POTEC: variants seen among roughly 807,000 people sequenced by gnomAD.
POTEC encodes ANKRD26-like family B member 2.
In POTEC, 35 loss-of-function variants were observed where a neutral mutation model predicts 62.0. The observed-to-expected ratio is 0.56, with a 90% confidence interval of 0.43 to 0.75. The LOEUF (loss-of-function observed/expected upper bound fraction) is 0.75, where lower values mean the gene tolerates loss of function less well. Ranked by LOEUF, POTEC falls within the 30% of genes least tolerant of loss-of-function variation. The pLI, the probability that POTEC is intolerant of heterozygous loss-of-function variation, is 0.00. For synonymous variants in POTEC, 156 were observed against 221.5 expected (o/e 0.70, Z 2.62); for missense variants, 472 against 655.9 (o/e 0.72, Z 3.06).
At chr18:14,524,573 C>T (rs1285553580) in intron 7 of POTEC, among the ~76,000 whole-genome samples, 3 of 151,880 alleles carry the variant, frequency 2.0e-5, no homozygotes, top group Admixed American at 2.0e-4. Flanking sequence ...ATGTTTTTGC[C>T]TCTATTCCAA....
chr18:14,523,351 G>A, intron 8 of POTEC, 112 bp downstream of exon 8: 2 of 1,236,462 alleles, frequency 1.6e-6, no homozygotes, highest in Non-Finnish European at 2.2e-6. Context: ...TTTCACTGGT[G>A]ATTTATGCTA....
At chr18:14,525,090 A>G in intron 6 of POTEC, 107 bp from the exon 7 acceptor site, 1 of 1,500,126 alleles carries the variant, frequency 6.7e-7, no homozygotes, top group Non-Finnish European at 9.0e-7. Flanking sequence ...TATTTCATAA[A>G]TTGAGTGTTT....
chr18:14,538,629 A>C (rs11873868), intron 1 of POTEC, among the ~76,000 whole-genome samples: 3,070 of 151,872 alleles, frequency 0.02, 96 homozygotes, highest in African/African-American at 0.069. Context: ...AAAATATAGA[A>C]TAGTTCCTAA....
chr18:14,540,941 A>G (rs1905910857), intron 1 of POTEC, among the ~76,000 whole-genome samples: 1 of 151,284 alleles, frequency 6.6e-6, no homozygotes, highest in Non-Finnish European at 1.5e-5. Flanking sequence ...CCCAGGCTGG[A>G]GTGTAGTGGT....
chr18:14,522,302 T>G lies in POTEC; in HGVS notation c.1361A>C (p.Lys454Thr). 6.3e-7 allele frequency: 1 copy of G among 1,596,914 alleles called. No homozygotes were observed. The highest frequency in any genetic ancestry group is 1.1e-5 in the South Asian group (1 of 87,652). ...DGLIPQRRSR[K>T]PENQQFPDTE... ...GTCAGGAAATTGCTGATTTTCAGGTTTTCTGCTCCTCCTTTGTGGAATTAA... is the reference window on the plus strand; with the variant it reads ...GTCAGGAAATTGCTGATTTTCAGGTGTTCTGCTCCTCCTTTGTGGAATTAA... The change falls in exon 9 of 11, where the codon AAA (lysine) becomes ACA (threonine). Residue 454 changes from lysine (K) to threonine (T), a missense_variant. Physicochemically the swap from Lys to Thr is moderately conservative, Grantham distance 78. This residue lies in a region of POTEC where 83 missense variants were observed against 254.3 expected (regional missense o/e 0.33). Transcript: ENST00000358970.
chr18:14,542,581 A>T (rs778844082), intron 1 of POTEC, 45 bp downstream of exon 1: 1 of 1,611,266 alleles, frequency 6.2e-7, no homozygotes, highest in Non-Finnish European at 8.5e-7. Flanking sequence ...GTATGTCCCC[A>T]TCATCCCCCC....
chr18:14,528,909 A>C, intron 6 of POTEC: 2 of 453,974 alleles, frequency 4.4e-6, no homozygotes, highest in Non-Finnish European at 8.8e-6. Context: ...GAAACCCTGC[A>C]AGGTTCACTC....
chr18:14,516,298 TTATATATATATATATATATATA>T (rs200611192), intron 9 of POTEC, among the ~76,000 whole-genome samples: 2 of 25,126 alleles, frequency 8.0e-5, no homozygotes, highest in Admixed American at 6.2e-4. Context: ...AAAGAAAATT[TTATATATATATATATATATATA>T]TATATATATA....
chr18:14,524,627 T>C (rs1368180501), intron 7 of POTEC, among the ~76,000 whole-genome samples: 1 of 151,988 alleles, frequency 6.6e-6, no homozygotes, highest in Non-Finnish European at 1.5e-5. Context: ...CAGATAAGAA[T>C]ATTTTAAATA....
chr18:14,514,901 T>C (rs1056530419), intron 9 of POTEC, among the ~76,000 whole-genome samples: 3 of 152,158 alleles, frequency 2.0e-5, no homozygotes, highest in Non-Finnish European at 2.9e-5. Context: ...AGTACCACTA[T>C]ACACCAACTA....
rs376309031 is a variant in POTEC, at chr18:14,512,411, A to C, written c.1534-418T>G. Among the ~76,000 whole-genome samples the C allele has an allele frequency of 1.7e-4, 26 of 152,344 alleles. 1 individual carries two copies. The East Asian group carries it at 5.0e-3, about 29-fold the overall frequency. On this transcript the variant is annotated intron_variant, in intron 10 of 10. Transcript: ENST00000358970. Reference sequence around the variant, plus strand: ...AGAAGCAATTCCTCAAAGTTCTTTAAGTTCCTTTTTCTGAGGAATGTTTTA... The same window carrying C: ...AGAAGCAATTCCTCAAAGTTCTTTACGTTCCTTTTTCTGAGGAATGTTTTA...
chr18:14,507,965 G>A lies in POTEC; in HGVS notation c.*3933C>T, dbSNP rs1482694049. The A allele has an allele frequency of 6.6e-6, 1 of 152,196 alleles. No individual in the cohort carries two copies. The highest frequency in any genetic ancestry group is 1.5e-5 in the Non-Finnish European group (1 of 68,042). 9.4% of individuals were successfully genotyped at this position (152,196 alleles called of 1,614,324 possible). ...GTCTGATGGAATTCCCTTTGCAGGT[G>A]ATGTTGCCTTTCTCCCTAGCTGCCT... On this transcript the variant is annotated 3_prime_UTR_variant, in exon 11 of 11. Coordinates refer to ENST00000358970, the MANE Select transcript of POTEC (RefSeq NM_001137671.2).
At chr18:14,532,382 C>T (rs1905555103) in intron 5 of POTEC, among the ~76,000 whole-genome samples, 1 of 152,010 alleles carries the variant, frequency 6.6e-6, no homozygotes, top group Non-Finnish European at 1.5e-5. Flanking sequence ...GGAACAATGG[C>T]TGAGCATATA....
intron 2 of POTEC, 26 bp from the exon 3 acceptor site, chr18:14,538,000 T>C: frequency 6.3e-7 from 1 of 1,598,344 alleles, no homozygotes; most frequent in South Asian, 1.1e-5. Context: ...CAAAAACAAA[T>C]TATTAAGTCC....
In POTEC at chr18:14,510,895, TG is replaced by T. The variant is rs1195135523; in HGVS notation, c.*1002del. 1 of 152,230 alleles carries T rather than the reference TG, an allele frequency of 6.6e-6. No homozygotes were observed. Among genetic ancestry groups the T allele is most frequent in the Admixed American group, 6.5e-5 (1 of 15,274 alleles). 9.4% of individuals were successfully genotyped at this position (152,230 alleles called of 1,614,324 possible). On this transcript the variant is annotated 3_prime_UTR_variant, in exon 11 of 11. Transcript: ENST00000358970. Reference sequence around the variant, plus strand: ...AAAGATGACAGTCTGGTCCTCCCCCTGGGAGCTCTGACTCAGGAGGCCTGAA... The same window carrying T: ...AAAGATGACAGTCTGGTCCTCCCCCTGGAGCTCTGACTCAGGAGGCCTGAA...
chr18:14,537,694 T>C lies in POTEC; in HGVS notation c.810+107A>G, dbSNP rs578052773. The stretch of plus-strand genomic sequence containing the variant: ...ATTAAGTCATTTCAAAATATTTTCA[T>C]TCAGGTTATGCTTGAGCTTCCAAAT... On this transcript the variant is annotated intron_variant, in intron 3 of 10. Coordinates refer to ENST00000358970, the MANE Select transcript of POTEC (RefSeq NM_001137671.2). 399 of 1,224,910 alleles carry C rather than the reference T, an allele frequency of 3.3e-4. 2 individuals carry two copies. In the East Asian group the frequency reaches 9.8e-3, roughly 30 times the overall value. 75.9% of individuals were successfully genotyped at this position (1,224,910 alleles called of 1,614,324 possible). A position where few individuals can be genotyped will look rare whatever the true frequency, so the allele number is the denominator to read the frequency against.
In POTEC at chr18:14,531,305, A is replaced by T. The variant is rs557659628; in HGVS notation, c.1056-752T>A. ...AAGGGCAGAAAAACCAATGGATGTT[A>T]AGACCTGGCTTGGAGCAATGATCCT... is the stretch of plus-strand genomic sequence containing the variant. On this transcript the variant is annotated intron_variant, in intron 5 of 10. Transcript: ENST00000358970. 7.2e-3 allele frequency among the ~76,000 whole-genome samples: 1,076 copies of T among 150,020 alleles called. 17 individuals carry two copies. Among genetic ancestry groups the T allele is most frequent in the African/African-American group, 0.025 (1,026 of 40,430 alleles).
At chr18:14,515,185 CAG>C (rs1254513264) in intron 9 of POTEC, among the ~76,000 whole-genome samples, 1 of 152,104 alleles carries the variant, frequency 6.6e-6, no homozygotes, top group East Asian at 1.9e-4. Flanking sequence ...TCATTCTTCA[CAG>C]AGTTATTTTA....
At chr18:14,541,605 C>G (rs1372144870) in intron 1 of POTEC, among the ~76,000 whole-genome samples, 2 of 152,198 alleles carry the variant, frequency 1.3e-5, no homozygotes. Flanking sequence ...CACCACTGCA[C>G]TCCAGCCTGG....
Sources: allele counts gnomAD v4.1 joint callset (sites outside exome capture counted in the v4.1 genomes callset), GRCh38; gene constraint gnomAD v4.1.1; regional missense constraint gnomAD v4.1.1; transcripts MANE v1.5; gene names NCBI Gene and HGNC (gene_info 2026-07-23, HGNC 2026-07-21).